The following CTNNA2 variants were observed in gnomAD, a reference collection of about 807,000 sequenced individuals.
CTNNA2 encodes catenin alpha-2.
In CTNNA2, 42 loss-of-function variants were observed where a neutral mutation model predicts 101.0. The ratio of observed to expected loss-of-function variants is 0.42; its 90% CI spans 0.32 to 0.54. The LOEUF is 0.54. Among genes scored for constraint, CTNNA2 ranks in the 20% least tolerant of loss-of-function variants. The pLI is 0.14. For missense variants in CTNNA2, 871 were observed against 1,223.1 expected (o/e 0.71, Z 4.29); for synonymous variants, 450 against 456.4 (o/e 0.99, Z 0.18).
At chr2:79,321,345 A>C (rs545096116) in intron 3 of CTNNA2, among the ~76,000 whole-genome samples, 1 of 152,210 alleles carries the variant, frequency 6.6e-6, no homozygotes, top group Non-Finnish European at 1.5e-5. Flanking sequence ...CAAGAATCTT[A>C]AAGTTCATCC....
chr2:79,781,567 C>T (rs1674429394), intron 3 of CTNNA2, among the ~76,000 whole-genome samples: 1 of 152,154 alleles, frequency 6.6e-6, no homozygotes, highest in Admixed American at 6.6e-5. Flanking sequence ...TGAGATGTTG[C>T]TAATTAATGG....
At chr2:79,427,615 T>C (rs1678606534) in intron 4 of CTNNA2, among the ~76,000 whole-genome samples, 2 of 135,688 alleles carry the variant, frequency 1.5e-5, no homozygotes, top group African/African-American at 5.4e-5. Context: ...CGTTCTTTCT[T>C]TAATATTAAA....
At chr2:80,404,052 A>C (rs1031990825) in intron 8 of CTNNA2, among the ~76,000 whole-genome samples, 3 of 152,138 alleles carry the variant, frequency 2.0e-5, no homozygotes, top group Non-Finnish European at 4.4e-5. Context: ...TTCATCAGGG[A>C]TATTGGACTG....
At chr2:80,212,734 G>A (rs914168914) in intron 7 of CTNNA2, among the ~76,000 whole-genome samples, 5 of 152,120 alleles carry the variant, frequency 3.3e-5, no homozygotes, top group African/African-American at 1.2e-4. Context: ...TGGCCTCATA[G>A]AATGAGTTAG....
chr2:80,491,923 C>G (rs1014230040), intron 9 of CTNNA2, among the ~76,000 whole-genome samples: 4 of 152,114 alleles, frequency 2.6e-5, no homozygotes, highest in African/African-American at 9.7e-5. Context: ...CCAGAGCCAC[C>G]TGGTGGGGGT....
At chr2:79,509,772 A>G (rs1399589622), upstream of CTNNA2, among the ~76,000 whole-genome samples, 3 of 152,224 alleles carry the variant, frequency 2.0e-5, no homozygotes, top group African/African-American at 7.2e-5. Context: ...TGATGTGTCA[A>G]TATAGGTTCA....
chr2:79,214,536 T>C (rs1359519936), intron 2 of CTNNA2, among the ~76,000 whole-genome samples: 3 of 152,086 alleles, frequency 2.0e-5, no homozygotes, highest in African/African-American at 7.2e-5. Context: ...TTTAATCCTT[T>C]TAAAGCGTGC....
chr2:80,567,671 G>A (rs1477953778), intron 12 of CTNNA2, among the ~76,000 whole-genome samples: 1 of 152,048 alleles, frequency 6.6e-6, no homozygotes, highest in African/African-American at 2.4e-5. Context: ...CACTGGAATG[G>A]CCCCACAGTG....
rs201705252 is a variant in CTNNA2, at chr2:80,116,386, A to AC, written c.1056+206589_1056+206590insC. On this transcript the variant is annotated intron_variant, in intron 7 of 18. Transcript: ENST00000402739. ...TAGCCCCTAAAAAGCTAAAAAAAAA[A>AC]AAAAAAAAGAACGACACAATTAGAT... Among the ~76,000 whole-genome samples, 108 of 152,142 alleles carry AC rather than the reference A, an allele frequency of 7.1e-4. No homozygotes were observed. In the East Asian group the frequency reaches 0.02, roughly 29 times the overall value.
intron 8 of CTNNA2, among the ~76,000 whole-genome samples, chr2:80,408,646 A>C (rs1345535540): frequency 6.6e-6 from 1 of 152,190 alleles, no homozygotes; most frequent in Admixed American, 6.5e-5. Context: ...ACTCAGAATA[A>C]AACATCCAGG....
At chr2:79,952,801 T>C (rs924122170) in intron 7 of CTNNA2, among the ~76,000 whole-genome samples, 1 of 152,134 alleles carries the variant, frequency 6.6e-6, no homozygotes, top group African/African-American at 2.4e-5. Context: ...AAGGGCAGAG[T>C]TGAGTAGTGG....
At chr2:79,223,742 G>T (rs1369596674) in intron 2 of CTNNA2, among the ~76,000 whole-genome samples, 1 of 152,132 alleles carries the variant, frequency 6.6e-6, no homozygotes, top group Non-Finnish European at 1.5e-5. Context: ...ACAGTTGGTG[G>T]CACTGCTTCT....
chr2:80,102,256 TGA>T (rs1166034767), intron 7 of CTNNA2, among the ~76,000 whole-genome samples: 1 of 152,216 alleles, frequency 6.6e-6, no homozygotes, highest in East Asian at 1.9e-4. Flanking sequence ...ATTCACCCTC[TGA>T]GTGTGTCTTG....
intron 4 of CTNNA2, among the ~76,000 whole-genome samples, chr2:79,446,912 C>T (rs965338434): frequency 5.9e-5 from 9 of 151,980 alleles, no homozygotes; most frequent in African/African-American, 1.9e-4. Context: ...TTTAATTTTC[C>T]TCCAAATGTG....
rs115597633 is a variant in CTNNA2 at position 80,597,232 on chromosome 2, G to A, written c.2190-6842G>A. On this transcript the variant is annotated intron_variant, in intron 15 of 18. Transcript: ENST00000402739. ...GAAAGGATTCCCTATTTAATAAATG[G>A]GTACTGGGAAAACTGGCTAGCCATA... 1.6e-3 allele frequency among the ~76,000 whole-genome samples: 244 copies of A among 152,164 alleles called. 3 individuals carry two copies. Among genetic ancestry groups the A allele is most frequent in the African/African-American group, 5.1e-3 (213 of 41,506 alleles).
chr2:80,102,653 C>T (rs1186785444), intron 7 of CTNNA2, among the ~76,000 whole-genome samples: 3 of 152,112 alleles, frequency 2.0e-5, no homozygotes, highest in Non-Finnish European at 4.4e-5. Context: ...GTTGGGACTA[C>T]AGGCATGCAC....
chr2:80,241,297 T>C (rs577326528), intron 7 of CTNNA2, among the ~76,000 whole-genome samples: 3 of 151,654 alleles, frequency 2.0e-5, no homozygotes, highest in African/African-American at 7.3e-5. Context: ...TTGAGACATA[T>C]AGGTTAAACA....
intron 1 of CTNNA2, among the ~76,000 whole-genome samples, chr2:79,631,356 C>T (rs569924882): frequency 3.3e-5 from 5 of 152,180 alleles, no homozygotes; most frequent in African/African-American, 4.8e-5. Flanking sequence ...ACACTCATTT[C>T]GTATGTGAGG....
At chr2:80,030,301 C>T (rs1453781275) in intron 7 of CTNNA2, among the ~76,000 whole-genome samples, 2 of 151,760 alleles carry the variant, frequency 1.3e-5, no homozygotes, top group Admixed American at 1.3e-4. Context: ...AGCACTAGCT[C>T]CTCTTCCTCC....
Sources: allele counts gnomAD v4.1 joint callset (sites outside exome capture counted in the v4.1 genomes callset), GRCh38; gene constraint gnomAD v4.1.1; transcripts MANE v1.5; gene names NCBI Gene and HGNC (gene_info 2026-07-23, HGNC 2026-07-21).